The following AGO2 variants were observed in gnomAD, a reference collection of about 807,000 sequenced individuals.
AGO2 encodes the protein protein argonaute-2.
A neutral mutation model predicts 102.3 loss-of-function variants in AGO2; 5 were observed. That is an observed-to-expected ratio of 0.05 (90% confidence interval 0.03 to 0.10). The LOEUF (loss-of-function observed/expected upper bound fraction) is 0.10, where lower values mean the gene tolerates loss of function less well. Among genes scored for constraint, AGO2 ranks in the 10% least tolerant of loss-of-function variants. AGO2 has a pLI of 1.00. For synonymous variants in AGO2, 449 were observed against 473.1 expected, an observed-to-expected ratio of 0.95 and a Z score of 0.66; for missense variants, 541 against 1,183.7, an observed-to-expected ratio of 0.46 and a Z score of 7.97.
Position 140,531,327 on chromosome 8 carries a change from T to C in AGO2, c.*717A>G, listed in dbSNP as rs1171487155. ...TCTGATGATTAGACTGTCAGTATAT[T>C]GTCTTTTTTCTTTTTTTAAATACAT... On this transcript the variant is annotated 3_prime_UTR_variant, in exon 19 of 19. Transcript: ENST00000220592. 6.6e-6 allele frequency: 1 copy of C among 152,648 alleles called. No individual in the cohort carries two copies. The highest frequency in any genetic ancestry group is 1.5e-5 in the Non-Finnish European group (1 of 68,076). The allele number at this position is 152,648 out of a possible 1,614,324, so 9.5% of individuals were successfully genotyped here.
chr8:140,572,669 G>T, intron 3 of AGO2, 143 bp downstream of exon 3: 1 of 1,208,780 alleles, frequency 8.3e-7, no homozygotes, highest in Non-Finnish European at 1.1e-6. Flanking sequence ...ATGGATCTCA[G>T]GACGAAGCAT....
intron 1 of AGO2, among the ~76,000 whole-genome samples, chr8:140,598,650 A>C (rs933220641): frequency 6.6e-6 from 1 of 152,204 alleles, no homozygotes; most frequent in Admixed American, 6.5e-5. Context: ...ACCAGGAGGA[A>C]GCGCGTGCTG....
rs940301541 is a variant in AGO2 at position 140,523,222 on chromosome 8, CGAG to C, written c.*8819_*8821del. Reference sequence around the variant, plus strand: ...ACAATACATAGAGTACCACCTGAAACGAGGCCCTTGGAGCTGCTCAGCTTCTTA... The same window carrying C: ...ACAATACATAGAGTACCACCTGAAACGCCCTTGGAGCTGCTCAGCTTCTTA... On this transcript the variant is annotated 3_prime_UTR_variant, in exon 19 of 19. Coordinates refer to ENST00000220592, the MANE Select transcript of AGO2 (RefSeq NM_012154.5). 1 of 152,118 alleles carries C rather than the reference CGAG, an allele frequency of 6.6e-6. No individual in the cohort carries two copies. Among genetic ancestry groups the C allele is most frequent in the Non-Finnish European group, 1.5e-5 (1 of 68,032 alleles). The allele number at this position is 152,118 out of a possible 1,614,324, so 9.4% of individuals were successfully genotyped here. A position where few individuals can be genotyped will look rare whatever the true frequency, so the allele number is the denominator to read the frequency against.
At chr8:140,568,339 A>C (rs928307927) in intron 3 of AGO2, among the ~76,000 whole-genome samples, 1 of 151,048 alleles carries the variant, frequency 6.6e-6, no homozygotes, top group Admixed American at 6.6e-5. Flanking sequence ...GCCAGGGAAA[A>C]GGCACAGAGG....
At position 140,618,859 on chromosome 8, in the gene AGO2, T is replaced by C. The variant is rs186522816; in HGVS notation, c.22+16626A>G. 4.2e-3 allele frequency among the ~76,000 whole-genome samples: 639 copies of C among 151,820 alleles called. 9 individuals are homozygous for C. The highest frequency in any genetic ancestry group is 0.014 in the African/African-American group (593 of 41,444). On this transcript the variant is annotated intron_variant, in intron 1 of 18. Transcript: ENST00000220592. ...AAGAAAACATATTTCTTGTGAGTAA[T>C]ATTACAGGTGGTTTTTTTTTTCTTT...
Position 140,557,069 on chromosome 8 carries a change from A to ATGT in AGO2, c.1026+19_1026+20insACA. On this transcript the variant is annotated intron_variant, in intron 8 of 18. Coordinates refer to ENST00000220592, the MANE Select transcript of AGO2 (RefSeq NM_012154.5). This position sits in a 1 kb window ranked among gnomAD's most constrained non-coding sequence, Gnocchi z 5.9. ...CGCCCTCCCAAGCCCCCAGAGACAC[A>ATGT]CAGGAAGAGGGTGACTTGCCTCCAG... The ATGT allele has an allele frequency of 6.2e-7, 1 of 1,606,572 alleles. No individual in the cohort carries two copies. Among genetic ancestry groups the ATGT allele is most frequent in the South Asian group, 1.1e-5 (1 of 90,042 alleles).
chr8:140,637,590 C>T (rs1442644819), upstream of AGO2: 1 of 152,340 alleles, frequency 6.6e-6, no homozygotes, highest in Non-Finnish European at 1.5e-5. Context: ...TGCCCCATCT[C>T]TATCCCCAGG....
At chr8:140,616,466 A>G (rs538343961) in intron 1 of AGO2, among the ~76,000 whole-genome samples, 1 of 152,078 alleles carries the variant, frequency 6.6e-6, no homozygotes, top group African/African-American at 2.4e-5. Flanking sequence ...AATTAACACA[A>G]TCACTTATTG....
intron 1 of AGO2, among the ~76,000 whole-genome samples, chr8:140,600,779 C>T (rs1408852210): frequency 1.3e-5 from 2 of 152,044 alleles, no homozygotes; most frequent in Non-Finnish European, 2.9e-5. Context: ...GGCGCCACGT[C>T]CGTCCTATGT....
chr8:140,539,493 G>T lies in AGO2; in HGVS notation c.2035-39C>A, dbSNP rs1480059313. ...AGGGAGGAGGTTGTGCTTAAAGATG[G>T]TAGTGCATGTGAGCAACGGTCCCAC... On this transcript the variant is annotated intron_variant, in intron 15 of 18. Transcript: ENST00000220592. This position sits in a 1 kb window ranked among gnomAD's most constrained non-coding sequence, Gnocchi z 4.7. 6.3e-7 allele frequency: 1 copy of T among 1,586,422 alleles called. No homozygotes were observed. Among genetic ancestry groups the T allele is most frequent in the South Asian group, 1.1e-5 (1 of 87,720 alleles).
Position 140,558,596 on chromosome 8 carries a change from C to T in AGO2, c.791-24G>A, listed in dbSNP as rs903125292. On this transcript the variant is annotated intron_variant, in intron 6 of 18. Transcript: ENST00000220592. ...ACCTGGGGACACAGAACACAGGCAT[C>T]GGCATCGGGGCTGTCCCGACCTGAG... The T allele has an allele frequency of 2.2e-5, 35 of 1,611,836 alleles. No individual in the cohort carries two copies. In the East Asian group the frequency reaches 4.0e-4, roughly 18 times the overall value.
In AGO2 at chr8:140,526,103, C is replaced by G. The variant is rs1294905272; in HGVS notation, c.*5941G>C. 1 of 152,172 alleles carries G rather than the reference C, an allele frequency of 6.6e-6. No individual in the cohort carries two copies. The highest frequency in any genetic ancestry group is 2.4e-5 in the African/African-American group (1 of 41,424). The allele number at this position is 152,172 out of a possible 1,614,324, so 9.4% of individuals were successfully genotyped here. A position where few individuals can be genotyped will look rare whatever the true frequency, so the allele number is the denominator to read the frequency against. On this transcript the variant is annotated 3_prime_UTR_variant, in exon 19 of 19. Coordinates refer to ENST00000220592, the MANE Select transcript of AGO2 (RefSeq NM_012154.5). This position sits in a 1 kb window ranked among gnomAD's most constrained non-coding sequence, Gnocchi z 5.2. ...TCCCAAAGTCAAAGGCCAATTACGTCTGCATTGTCTTTGAAACCATGCAAC... is the reference window on the plus strand; with the variant it reads ...TCCCAAAGTCAAAGGCCAATTACGTGTGCATTGTCTTTGAAACCATGCAAC...
chr8:140,607,791 G>C (rs748945665), intron 1 of AGO2, among the ~76,000 whole-genome samples: 2 of 152,060 alleles, frequency 1.3e-5, no homozygotes, highest in Non-Finnish European at 2.9e-5. Flanking sequence ...GGGGCCATAG[G>C]AAGCAGCTGC....
At chr8:140,594,672 T>G (rs898741095) in intron 1 of AGO2, among the ~76,000 whole-genome samples, 1 of 152,046 alleles carries the variant, frequency 6.6e-6, no homozygotes, top group African/African-American at 2.4e-5. Flanking sequence ...CCAGTCATGG[T>G]GGCATGCCTC....
At chr8:140,547,288 C>T (rs1264671116) in intron 13 of AGO2, among the ~76,000 whole-genome samples, 180 bp downstream of exon 13, 2 of 152,234 alleles carry the variant, frequency 1.3e-5, no homozygotes, top group African/African-American at 4.8e-5. Context: ...CGCCCCTGGT[C>T]CCCAGCAGAG....
intron 3 of AGO2, among the ~76,000 whole-genome samples, chr8:140,570,948 C>A (rs1262123820): frequency 6.6e-6 from 1 of 152,164 alleles, no homozygotes; most frequent in Non-Finnish European, 1.5e-5. Context: ...TAAACATATA[C>A]AGACAAAACT....
intron 17 of AGO2, chr8:140,535,257 T>C (rs567305234): frequency 1.4e-5 from 8 of 575,738 alleles, no homozygotes; most frequent in African/African-American, 1.3e-4. Flanking sequence ...TGGGACTTCC[T>C]TTTTCTGGGA....
At chr8:140,533,366 G>A (rs1470216959) in intron 17 of AGO2, among the ~76,000 whole-genome samples, 1 of 149,436 alleles carries the variant, frequency 6.7e-6, no homozygotes, top group African/African-American at 2.5e-5. Flanking sequence ...TCCAGCCTAG[G>A]GGACAGAGTG....
Position 140,522,558 on chromosome 8 carries a change from A to AAAAAAAAC in AGO2, c.*9485_*9486insGTTTTTTT, listed in dbSNP as rs1395575787. ...AAAAAAAAAAGAAACATGAAAAAAA[A>AAAAAAAAC]AAAAAACCCTGAAAAAGTCGCAAGA... On this transcript the variant is annotated 3_prime_UTR_variant, in exon 19 of 19. Coordinates refer to ENST00000220592, the MANE Select transcript of AGO2 (RefSeq NM_012154.5). 2 of 150,880 alleles carry AAAAAAAAC rather than the reference A, an allele frequency of 1.3e-5. No homozygotes were observed. The highest frequency in any genetic ancestry group is 3.0e-5 in the Non-Finnish European group (2 of 67,786). The allele number at this position is 150,880 out of a possible 1,614,324, so 9.3% of individuals were successfully genotyped here.
Sources: gnomAD v4.1 joint callset for allele counts (sites outside exome capture counted in the v4.1 genomes callset) on GRCh38, gnomAD v4.1.1 for gene constraint, Gnocchi (gnomAD v3.1) non-coding constraint, MANE v1.5 for transcripts, NCBI Gene and HGNC (gene_info 2026-07-23, HGNC 2026-07-21) for gene names.